UGT1A6: variants seen among roughly 807,000 people sequenced by gnomAD.
UGT1A6 encodes UDP glucuronosyltransferase family 1 member A6, also known as UDP-glucuronosyltransferase 1A6.
UGT1A6 carries 32 observed loss-of-function variants against 44.4 expected under a neutral mutation model. That is an observed-to-expected ratio of 0.72 (90% CI 0.54 to 0.97). UGT1A6 has a LOEUF of 0.97. Ranked by LOEUF, UGT1A6 falls within the 50% of genes least tolerant of loss-of-function variation. The pLI is 0.00. For missense variants in UGT1A6, 685 were observed against 661.9 expected (o/e 1.03, Z -0.38); for synonymous variants, 238 against 248.5 (o/e 0.96, Z 0.40).
intron 1 of UGT1A6, chr2:233,747,252 C>T (rs766084078): frequency 6.9e-6 from 11 of 1,600,814 alleles, no homozygotes; most frequent in Non-Finnish European, 9.4e-6. Context: ...TGTGGCTGGC[C>T]ACAGGAGTGC....
intron 1 of UGT1A6, chr2:233,754,156 G>C (rs1695408372): frequency 6.5e-6 from 1 of 153,422 alleles, no homozygotes; most frequent in African/African-American, 2.4e-5. Flanking sequence ...AATTAAGCCA[G>C]AGTATTAATA....
In UGT1A6 at chr2:233,772,279, T is replaced by G. The variant is rs202172337; in HGVS notation, c.1319T>G (p.Met440Arg). Residue 440 changes from methionine to arginine, a missense_variant, in exon 5 of 5, where the codon ATG (methionine) becomes AGG (arginine). By Grantham distance (91) the Met-to-Arg change is moderately conservative. Transcript: ENST00000305139. ...INDKSYKENI[M>R]RLSSLHKDRP... The stretch of plus-strand genomic sequence containing the variant: ...GTGTTTAGTTACAAGGAGAACATCA[T>G]GCGCCTCTCCAGCCTTCACAAGGAC... 1.9e-6 allele frequency: 3 copies of G among 1,614,146 alleles called. No homozygotes were observed. The African/African-American group carries it at 4.0e-5, about 22-fold the overall frequency.
At chr2:233,716,619 T>C (rs1353920289) in intron 1 of UGT1A6, among the ~76,000 whole-genome samples, 1 of 152,234 alleles carries the variant, frequency 6.6e-6, no homozygotes, top group Non-Finnish European at 1.5e-5. Context: ...AGGTTTATTC[T>C]AGTGAAGTTT....
At chr2:233,709,140 C>T (rs1481814176) in intron 1 of UGT1A6, among the ~76,000 whole-genome samples, 5 of 152,066 alleles carry the variant, frequency 3.3e-5, no homozygotes, top group Admixed American at 6.6e-5. Flanking sequence ...GGGGATGAGA[C>T]GTGCTGATTG....
At chr2:233,718,299 ACT>A (rs1382427566) in intron 1 of UGT1A6, among the ~76,000 whole-genome samples, 3 of 151,938 alleles carry the variant, frequency 2.0e-5, no homozygotes, top group Admixed American at 6.5e-5. Flanking sequence ...CAGCCTGAAC[ACT>A]CTCTGTTTAG....
At chr2:233,763,882 A>G (rs1279865944) in intron 1 of UGT1A6, among the ~76,000 whole-genome samples, 1 of 152,208 alleles carries the variant, frequency 6.6e-6, no homozygotes, top group Non-Finnish European at 1.5e-5. Flanking sequence ...GGTCTGAGAA[A>G]AATAACTAAA....
At chr2:233,703,689 C>A (rs1367927278) in intron 1 of UGT1A6, among the ~76,000 whole-genome samples, 1 of 152,028 alleles carries the variant, frequency 6.6e-6, no homozygotes, top group Middle Eastern at 3.2e-3. Context: ...TTTTTTTCCA[C>A]CATTTAACTT....
intron 1 of UGT1A6, chr2:233,729,067 A>G (rs2077783738): frequency 6.2e-7 from 1 of 1,611,370 alleles, no homozygotes; most frequent in Admixed American, 1.7e-5. Context: ...AAGATGAAGA[A>G]AGCAAATGTA....
intron 1 of UGT1A6, chr2:233,717,696 GGA>G: frequency 2.2e-6 from 1 of 445,086 alleles, no homozygotes; most frequent in Non-Finnish European, 4.6e-6. Flanking sequence ...GTGACTTTCT[GGA>G]GCAGGACGAG....
chr2:233,717,065 A>G (rs1043172308), intron 1 of UGT1A6, among the ~76,000 whole-genome samples: 4 of 152,172 alleles, frequency 2.6e-5, no homozygotes, highest in Admixed American at 6.5e-5. Context: ...TAGGAGTGCC[A>G]GACACGTAAC....
intron 1 of UGT1A6, chr2:233,754,955 G>A (rs767638744): frequency 7.6e-6 from 10 of 1,314,252 alleles, no homozygotes; most frequent in South Asian, 1.1e-5. Context: ...GGTCCCGGCC[G>A]CCAAAGAACT....
At chr2:233,729,509 G>C in intron 1 of UGT1A6, 1 of 1,614,214 alleles carries the variant, frequency 6.2e-7, no homozygotes, top group South Asian at 1.1e-5. Context: ...CATAGGTCTT[G>C]TGTGGAGCTA....
At chr2:233,765,952 G>A (rs898895578) in intron 1 of UGT1A6, among the ~76,000 whole-genome samples, 1 of 152,064 alleles carries the variant, frequency 6.6e-6, no homozygotes, top group Non-Finnish European at 1.5e-5. Context: ...TGACCTCACC[G>A]GCAGTGTCTA....
At chr2:233,738,017 G>A (rs1338863372) in intron 1 of UGT1A6, among the ~76,000 whole-genome samples, 1 of 152,028 alleles carries the variant, frequency 6.6e-6, no homozygotes, top group Non-Finnish European at 1.5e-5. Flanking sequence ...ATCTTGAATT[G>A]TAATCCCCAT....
rs1224727482 is a variant in UGT1A6, at chr2:233,769,496, T to C, written c.1301+1057T>C. 1 of 1,612,570 alleles carries C rather than the reference T, an allele frequency of 6.2e-7. No homozygotes were observed. The highest frequency in any genetic ancestry group is 8.5e-7 in the Non-Finnish European group (1 of 1,179,780). Reference sequence around the variant, plus strand: ...GTGTGTGTGCGTGTGTTTATGAGAGTGTCCATTGCTTTCTCCCATGGTTAC... The same window carrying C: ...GTGTGTGTGCGTGTGTTTATGAGAGCGTCCATTGCTTTCTCCCATGGTTAC... On this transcript the variant is annotated intron_variant, in intron 4 of 4. Coordinates refer to ENST00000305139, the MANE Select transcript of UGT1A6 (RefSeq NM_001072.4). The surrounding 1 kb of genome is among the most constrained non-coding windows in gnomAD (Gnocchi z 4.4).
In UGT1A6 at chr2:233,767,150, C is replaced by A. The variant is rs1699320624; in HGVS notation, c.978C>A (p.Gly326=). 4 of 1,613,942 alleles carry A rather than the reference C, an allele frequency of 2.5e-6. No individual in the cohort carries two copies. The highest frequency in any genetic ancestry group is 1.6e-4 in the Middle Eastern group (1 of 6,082). Residue 326 remains glycine (G), a synonymous_variant, in exon 2 of 5, where the codon GGC becomes GGA. Coordinates refer to ENST00000305139, the MANE Select transcript of UGT1A6 (RefSeq NM_001072.4). The part of the protein sequence containing the change: ...KKAMAIADAL[G]KIPQTVLWRY... ...CTATGGCAATTGCTGATGCTTTGGG[C>A]AAAATCCCTCAGACAGTAAGAAGAT...
chr2:233,745,241 G>A (rs1693049313), intron 1 of UGT1A6, among the ~76,000 whole-genome samples: 1 of 151,840 alleles, frequency 6.6e-6, no homozygotes, highest in African/African-American at 2.4e-5. Flanking sequence ...ACTATTTACT[G>A]TATCGAAACC....
At chr2:233,764,775 G>T (rs1470259138) in intron 1 of UGT1A6, among the ~76,000 whole-genome samples, 1 of 152,162 alleles carries the variant, frequency 6.6e-6, no homozygotes, top group Non-Finnish European at 1.5e-5. Flanking sequence ...AAGGAGTTCA[G>T]AAAAACCATC....
At chr2:233,716,356 C>G (rs1029133275) in intron 1 of UGT1A6, among the ~76,000 whole-genome samples, 1 of 152,180 alleles carries the variant, frequency 6.6e-6, no homozygotes, top group Admixed American at 6.5e-5. Flanking sequence ...AATGTAGATA[C>G]TTTGTGGGGC....
Sources: allele counts gnomAD v4.1 joint callset (sites outside exome capture counted in the v4.1 genomes callset), GRCh38; gene constraint gnomAD v4.1.1; non-coding constraint Gnocchi (gnomAD v3.1); transcripts MANE v1.5; gene names NCBI Gene and HGNC (gene_info 2026-07-23, HGNC 2026-07-21).